The following WASF3 variants were observed in gnomAD, a reference collection of about 807,000 sequenced individuals.
WASF3 encodes the protein actin-binding protein WASF3.
A neutral mutation model predicts 46.6 loss-of-function variants in WASF3; 11 were observed. The ratio of observed to expected loss-of-function variants is 0.24; its 90% confidence interval spans 0.15 to 0.39. The LOEUF is 0.39. Among genes scored for constraint, WASF3 ranks in the 10% least tolerant of loss-of-function variants. The pLI, the probability that WASF3 is intolerant of heterozygous loss-of-function variation, is 1.00. For synonymous variants in WASF3, 242 were observed against 259.7 expected (o/e 0.93, Z 0.65); for missense variants, 576 against 669.8 (o/e 0.86, Z 1.55).
the WASF3 span, among the ~76,000 whole-genome samples, chr13:26,541,549 G>A: frequency 5.9e-5 from 9 of 152,284 alleles, no homozygotes; most frequent in Non-Finnish European, 8.8e-5. Flanking sequence ...TTATAGGGAA[G>A]AAGGCAGGCA....
intron 1 of WASF3, among the ~76,000 whole-genome samples, chr13:26,583,350 G>A (rs919206788): frequency 4.6e-5 from 7 of 152,166 alleles, no homozygotes; most frequent in Non-Finnish European, 8.8e-5. Flanking sequence ...AATGGCAAGT[G>A]AACAGTAAAG....
chr13:26,627,225 T>C (rs151258944), intron 2 of WASF3, among the ~76,000 whole-genome samples: 1 of 152,026 alleles, frequency 6.6e-6, no homozygotes, highest in East Asian at 1.9e-4. Context: ...TTTGGTAATA[T>C]AAAATTAATT....
chr13:26,654,694 ACTTTT>A (rs904962628), intron 3 of WASF3, among the ~76,000 whole-genome samples: 2 of 152,106 alleles, frequency 1.3e-5, no homozygotes, highest in African/African-American at 2.4e-5. Flanking sequence ...ATTATGGTTG[ACTTTT>A]CTTTCTGTTT....
intron 3 of WASF3, among the ~76,000 whole-genome samples, chr13:26,655,160 CTTTT>C (rs1882430608): frequency 6.6e-6 from 1 of 152,164 alleles, no homozygotes; most frequent in Admixed American, 6.5e-5. Context: ...AAAATGATCT[CTTTT>C]TTGTCTCCTT....
chr13:26,669,042 A>T (rs1216627997), intron 5 of WASF3, among the ~76,000 whole-genome samples: 1 of 152,142 alleles, frequency 6.6e-6, no homozygotes, highest in Non-Finnish European at 1.5e-5. Context: ...CTAAGGAAAA[A>T]AAATCAGATA....
intron 1 of WASF3, among the ~76,000 whole-genome samples, chr13:26,563,015 G>C (rs747112380): frequency 3.3e-5 from 5 of 151,056 alleles, no homozygotes; most frequent in Non-Finnish European, 7.4e-5. Flanking sequence ...GCTCTTCTGA[G>C]GACTGGTTGT....
chr13:26,607,125 T>A lies in WASF3; in HGVS notation c.-108-5836T>A, dbSNP rs145334898. Among the ~76,000 whole-genome samples the A allele has an allele frequency of 5.8e-4, 89 of 152,312 alleles. 1 individual carries two copies. The East Asian group carries it at 0.015, about 25-fold the overall frequency. Reference sequence around the variant, plus strand: ...TTAGTACTATCCGCAGTTTTAGGCATCTGCTGAGTGTCTTGGACTGTATAC... The same window carrying A: ...TTAGTACTATCCGCAGTTTTAGGCAACTGCTGAGTGTCTTGGACTGTATAC... On this transcript the variant is annotated intron_variant, in intron 1 of 9. Transcript: ENST00000335327.
chr13:26,546,573 G>T, the WASF3 span, among the ~76,000 whole-genome samples: 1 of 152,060 alleles, frequency 6.6e-6, no homozygotes, highest in Non-Finnish European at 1.5e-5. Context: ...TAGGCTGGGT[G>T]GGGTGGCGGG....
At chr13:26,642,544 T>C in intron 3 of WASF3, 141 bp downstream of exon 3, 8 of 1,053,950 alleles carry the variant, frequency 7.6e-6, no homozygotes, top group Non-Finnish European at 9.2e-6. Flanking sequence ...CAGTATGAAA[T>C]TGACCACTGC....
At chr13:26,583,639 A>G (rs985966123) in intron 1 of WASF3, among the ~76,000 whole-genome samples, 1 of 152,172 alleles carries the variant, frequency 6.6e-6, no homozygotes, top group Non-Finnish European at 1.5e-5. Context: ...ACCATTTTTC[A>G]GAAGAATGAC....
chr13:26,595,289 T>C (rs1417254020), intron 1 of WASF3, among the ~76,000 whole-genome samples: 1 of 152,240 alleles, frequency 6.6e-6, no homozygotes, highest in Non-Finnish European at 1.5e-5. Flanking sequence ...CTGCTCAGCT[T>C]TGGCTTATCA....
intron 1 of WASF3, chr13:26,577,279 A>G (rs1879828502): frequency 1.3e-6 from 1 of 742,962 alleles, no homozygotes; most frequent in Non-Finnish European, 2.5e-6. Context: ...ACCGATGGTT[A>G]CTTGCTTTGT....
chr13:26,541,645 CTT>C, the WASF3 span, among the ~76,000 whole-genome samples: 3 of 150,712 alleles, frequency 2.0e-5, no homozygotes, highest in Non-Finnish European at 2.9e-5. Flanking sequence ...CGGAAGCCCA[CTT>C]TTTTTTTTCT....
chr13:26,596,346 A>G (rs1880461947), intron 1 of WASF3, among the ~76,000 whole-genome samples: 1 of 151,702 alleles, frequency 6.6e-6, no homozygotes, highest in African/African-American at 2.4e-5. Context: ...TTTTTTTTAA[A>G]AAAAGCTAGT....
intron 2 of WASF3, chr13:26,622,549 C>G (rs956940625): frequency 2.6e-5 from 4 of 152,154 alleles, no homozygotes; most frequent in African/African-American, 9.7e-5. Flanking sequence ...CCAGAATAGT[C>G]TGCTCTCTTT....
At chr13:26,675,485 CA>C (rs1883039031) in intron 6 of WASF3, among the ~76,000 whole-genome samples, 2 of 9,954 alleles carry the variant, frequency 2.0e-4, no homozygotes, top group Non-Finnish European at 4.5e-4. Flanking sequence ...CACACATACA[CA>C]CACACACACA....
At chr13:26,676,414 C>T in intron 6 of WASF3, 135 bp from the exon 7 acceptor site, 1 of 918,442 alleles carries the variant, frequency 1.1e-6, no homozygotes, top group Non-Finnish European at 1.6e-6. Flanking sequence ...GTTTCTGTAA[C>T]ATTAGGGTAA....
intron 2 of WASF3, among the ~76,000 whole-genome samples, chr13:26,618,407 A>G (rs1032309286): frequency 2.6e-5 from 4 of 152,080 alleles, no homozygotes; most frequent in African/African-American, 9.7e-5. Context: ...CCTTAGAATA[A>G]TAAATTCATT....
At chr13:26,551,873 C>T in the WASF3 span, among the ~76,000 whole-genome samples, 1 of 151,872 alleles carries the variant, frequency 6.6e-6, no homozygotes, top group Non-Finnish European at 1.5e-5. Context: ...GAGATGCTAT[C>T]AGATCTACAT....
Sources: allele counts gnomAD v4.1 joint callset (sites outside exome capture counted in the v4.1 genomes callset), GRCh38; gene constraint gnomAD v4.1.1; transcripts MANE v1.5; gene names NCBI Gene and HGNC (gene_info 2026-07-23, HGNC 2026-07-21).